TMTC1: variants seen among roughly 807,000 people sequenced by gnomAD.
The protein encoded by TMTC1 is transmembrane O-mannosyltransferase targeting cadherins 1, also known as protein O-mannosyl-transferase TMTC1.
TMTC1 carries 73 observed loss-of-function variants against 104.8 expected under a neutral mutation model. The ratio of observed to expected loss-of-function variants is 0.70; its 90% CI spans 0.58 to 0.85. TMTC1 has a LOEUF of 0.85. TMTC1 is among the 40% of genes least tolerant of loss of function. TMTC1 has a pLI of 0.00. For missense variants in TMTC1, 1,035 were observed against 1,096.1 expected, an observed-to-expected ratio of 0.94 and a Z score of 0.79; for synonymous variants, 434 against 428.7, an observed-to-expected ratio of 1.01 and a Z score of -0.15.
chr12:29,595,842 G>A (rs541482672), intron 7 of TMTC1, among the ~76,000 whole-genome samples: 3 of 152,312 alleles, frequency 2.0e-5, no homozygotes, highest in South Asian at 2.1e-4. Flanking sequence ...GACTGAAGAC[G>A]TGGAAAGGAA....
At chr12:29,542,119 A>G (rs1173850607) in intron 10 of TMTC1, among the ~76,000 whole-genome samples, 1 of 152,214 alleles carries the variant, frequency 6.6e-6, no homozygotes, top group East Asian at 1.9e-4. Flanking sequence ...TCTCTGAGTT[A>G]TATTGAAAGG....
At chr12:29,530,560 G>A (rs895662514) in intron 11 of TMTC1, among the ~76,000 whole-genome samples, 4 of 152,154 alleles carry the variant, frequency 2.6e-5, no homozygotes, top group Non-Finnish European at 5.9e-5. Flanking sequence ...TGCTTACTAC[G>A]CATGTGCAAC....
In TMTC1 at chr12:29,651,737, G is replaced by C. The variant is rs111482597; in HGVS notation, c.939-18401C>G. Among the ~76,000 whole-genome samples the C allele has an allele frequency of 6.7e-3, 1,014 of 152,306 alleles. 14 individuals are homozygous for C. Among genetic ancestry groups the C allele is most frequent in the African/African-American group, 0.024 (980 of 41,550 alleles). On this transcript the variant is annotated intron_variant, in intron 5 of 17. Coordinates refer to ENST00000539277, the MANE Select transcript of TMTC1 (RefSeq NM_001193451.2). ...GCATACCCTCATCTCACCTAGGTGA[G>C]GCATAGGTGTGTGAGATTTTAGAGA... is the stretch of plus-strand genomic sequence containing the variant.
chr12:29,694,975 A>C (rs1941375479), intron 5 of TMTC1, among the ~76,000 whole-genome samples: 1 of 152,086 alleles, frequency 6.6e-6, no homozygotes, highest in African/African-American at 2.4e-5. Flanking sequence ...AAAAACCTGC[A>C]ACAATCTATT....
At chr12:29,513,810 C>T (rs1274512152) in intron 16 of TMTC1, among the ~76,000 whole-genome samples, 1 of 152,164 alleles carries the variant, frequency 6.6e-6, no homozygotes, top group Non-Finnish European at 1.5e-5. Flanking sequence ...AGGATGCAGT[C>T]CCTCTCTACA....
At chr12:29,682,812 A>G (rs1940963511) in intron 5 of TMTC1, among the ~76,000 whole-genome samples, 1 of 152,154 alleles carries the variant, frequency 6.6e-6, no homozygotes, top group Non-Finnish European at 1.5e-5. Context: ...GGGTTGACAG[A>G]GTAGCTATAT....
intron 5 of TMTC1, among the ~76,000 whole-genome samples, chr12:29,685,752 C>CA (rs1941072424): frequency 6.6e-6 from 1 of 151,934 alleles, no homozygotes; most frequent in Non-Finnish European, 1.5e-5. Context: ...TTTATTCTGA[C>CA]AAAACTGACC....
At chr12:29,527,141 TATG>T (rs1944370899) in intron 11 of TMTC1, among the ~76,000 whole-genome samples, 1 of 152,200 alleles carries the variant, frequency 6.6e-6, no homozygotes, top group Non-Finnish European at 1.5e-5. Context: ...TTAATTAAAA[TATG>T]ATCACAGGTC....
intron 7 of TMTC1, among the ~76,000 whole-genome samples, chr12:29,595,425 T>C (rs1946381431): frequency 6.6e-6 from 1 of 152,212 alleles, no homozygotes; most frequent in Non-Finnish European, 1.5e-5. Flanking sequence ...AATCTCTGCT[T>C]CTATTAAACA....
chr12:29,676,781 A>T (rs1940741532), intron 5 of TMTC1, among the ~76,000 whole-genome samples: 1 of 152,198 alleles, frequency 6.6e-6, no homozygotes, highest in South Asian at 2.1e-4. Flanking sequence ...ATAGAAGATG[A>T]TGCCCTCGTG....
Position 29,589,452 on chromosome 12 carries a change from G to A in TMTC1, c.1251-5878C>T, listed in dbSNP as rs192633387. Among the ~76,000 whole-genome samples the A allele has an allele frequency of 5.9e-5, 9 of 152,292 alleles. No individual in the cohort carries two copies. In the East Asian group the frequency reaches 1.7e-3, roughly 29 times the overall value. ...AAACCCAGGAATTTCAGATTCCAGA[G>A]CCCACACTCCATGTGCTGTCCTGCT... is the stretch of plus-strand genomic sequence containing the variant. On this transcript the variant is annotated intron_variant, in intron 7 of 17. Transcript: ENST00000539277.
chr12:29,649,722 A>T (rs1939429363), intron 5 of TMTC1, among the ~76,000 whole-genome samples: 2 of 152,230 alleles, frequency 1.3e-5, no homozygotes, highest in Admixed American at 6.5e-5. Flanking sequence ...GGTTTTGAAG[A>T]CAGAAAATTG....
chr12:29,535,108 G>A (rs1034746768), intron 11 of TMTC1: 3 of 152,382 alleles, frequency 2.0e-5, no homozygotes, highest in African/African-American at 7.2e-5. Context: ...GCCTGTCAGA[G>A]GCAGGGGGAG....
At chr12:29,650,381 A>G (rs900722956) in intron 5 of TMTC1, among the ~76,000 whole-genome samples, 2 of 152,030 alleles carry the variant, frequency 1.3e-5, no homozygotes, top group East Asian at 1.9e-4. Flanking sequence ...CACCTTGCCC[A>G]GCCCCTACCT....
At position 29,570,238 on chromosome 12, in the gene TMTC1, T is replaced by C. The variant is rs1348244473; in HGVS notation, c.1532+1867A>G. 5.3e-5 allele frequency among the ~76,000 whole-genome samples: 8 copies of C among 152,146 alleles called. 1 individual carries two copies. In the South Asian group the frequency reaches 1.0e-3, roughly 20 times the overall value. On this transcript the variant is annotated intron_variant, in intron 9 of 17. Coordinates refer to ENST00000539277, the MANE Select transcript of TMTC1 (RefSeq NM_001193451.2). ...TGTACCCTTGAAGGAATATGCCTTTTAAAAAATGACATTTCCTCATTGCAA... is the reference window on the plus strand; with the variant it reads ...TGTACCCTTGAAGGAATATGCCTTTCAAAAAATGACATTTCCTCATTGCAA...
chr12:29,783,612 C>T lies in TMTC1; in HGVS notation c.140G>A (p.Gly47Asp). The change falls in exon 1 of 18, where the codon GGC (glycine) becomes GAC (aspartate). Residue 47 changes from glycine to aspartate, a missense_variant. Transcript: ENST00000539277. The surrounding 1 kb of genome is among the most constrained non-coding windows in gnomAD (Gnocchi z 4.7). ...SCLCYGRSLQGEFVHDDVWAI... is the reference protein window; with the variant it reads ...SCLCYGRSLQDEFVHDDVWAI... ...CCACACGTCGTCGTGCACGAACTCG[C>T]CCTGCAGGGAGCGGCCGTAGCACAG... 1 of 1,471,646 alleles carries T rather than the reference C, an allele frequency of 6.8e-7. No individual in the cohort carries two copies. The highest frequency in any genetic ancestry group is 2.9e-5 in the East Asian group (1 of 34,282). 91.2% of individuals were successfully genotyped at this position (1,471,646 alleles called of 1,614,324 possible). A position where few individuals can be genotyped will look rare whatever the true frequency, so the allele number is the denominator to read the frequency against.
chr12:29,619,859 A>T (rs1947083908), intron 6 of TMTC1, among the ~76,000 whole-genome samples: 1 of 152,184 alleles, frequency 6.6e-6, no homozygotes, highest in African/African-American at 2.4e-5. Flanking sequence ...CTGCACTTAA[A>T]ACCTGCACTT....
intron 5 of TMTC1, among the ~76,000 whole-genome samples, chr12:29,718,039 G>C (rs533397938): frequency 4.4e-4 from 67 of 152,196 alleles, no homozygotes; most frequent in African/African-American, 1.6e-3. Flanking sequence ...GTCAAAATAA[G>C]TAAAGGGAGG....
At chr12:29,559,940 A>T (rs1265728276) in intron 9 of TMTC1, among the ~76,000 whole-genome samples, 3 of 152,192 alleles carry the variant, frequency 2.0e-5, no homozygotes, top group African/African-American at 7.2e-5. Context: ...AAAAATACAG[A>T]TGTAAATATT....
Sources: gnomAD v4.1 joint callset for allele counts (sites outside exome capture counted in the v4.1 genomes callset) on GRCh38, gnomAD v4.1.1 for gene constraint, Gnocchi (gnomAD v3.1) non-coding constraint, MANE v1.5 for transcripts, NCBI Gene and HGNC (gene_info 2026-07-23, HGNC 2026-07-21) for gene names.